Variants in BAIAP2 observed in about 807,000 individuals in gnomAD.
BAIAP2 encodes the protein BAR/IMD domain containing adaptor protein 2.
Under a neutral mutation model 63.0 loss-of-function variants are expected in BAIAP2, and 18 were observed. The observed-to-expected ratio is 0.29, with a 90% confidence interval of 0.20 to 0.42. The LOEUF (loss-of-function observed/expected upper bound fraction) is 0.42. Ranked by LOEUF, BAIAP2 falls within the 10% of genes least tolerant of loss-of-function variation. The pLI, the probability that BAIAP2 is intolerant of heterozygous loss-of-function variation, is 1.00. For synonymous variants in BAIAP2, 386 were observed against 307.6 expected (o/e 1.25, Z -2.67); for missense variants, 610 against 734.3 (o/e 0.83, Z 1.96).
At chr17:81,084,125 A>C (rs907065672) in intron 3 of BAIAP2, among the ~76,000 whole-genome samples, 4 of 152,108 alleles carry the variant, frequency 2.6e-5, no homozygotes, top group African/African-American at 9.7e-5. Context: ...CGGGCCGAGG[A>C]GACATCAGTG....
intron 13 of BAIAP2, among the ~76,000 whole-genome samples, chr17:81,111,495 C>T (rs561456845): frequency 1.3e-5 from 2 of 152,364 alleles, no homozygotes; most frequent in African/African-American, 4.8e-5. Flanking sequence ...CTGACCTTGC[C>T]TCTTCTGTCC....
intron 6 of BAIAP2, chr17:81,098,047 ACCCCAGACCTCAGGCACATGAT>A (rs966729914): frequency 8.4e-7 from 1 of 1,192,332 alleles, no homozygotes; most frequent in African/African-American, 1.6e-5. Context: ...GTCACGCGCT[ACCCCAGACCTCAGGCACATGAT>A]CCCCAGGCCA....
chr17:81,075,647 C>T (rs2053536711), intron 3 of BAIAP2, among the ~76,000 whole-genome samples: 2 of 152,232 alleles, frequency 1.3e-5, no homozygotes, highest in Admixed American at 6.5e-5. Context: ...CCTACCTCCA[C>T]CTGTCCACCA....
intron 3 of BAIAP2, among the ~76,000 whole-genome samples, chr17:81,078,848 T>C (rs1279476702): frequency 6.6e-6 from 1 of 152,004 alleles, no homozygotes; most frequent in African/African-American, 2.4e-5. Context: ...CTCCTGAGTT[T>C]TGGGGTGTTT....
intron 1 of BAIAP2, among the ~76,000 whole-genome samples, chr17:81,050,577 G>T: frequency 6.6e-6 from 1 of 152,162 alleles, no homozygotes; most frequent in East Asian, 1.9e-4. Context: ...GGGCCTGTGG[G>T]GGTCATGGTC....
intron 6 of BAIAP2, chr17:81,098,222 C>T (rs1246391182): frequency 7.6e-7 from 1 of 1,309,800 alleles, no homozygotes; most frequent in Admixed American, 3.3e-5. Context: ...GCCCTGCACC[C>T]ATGGGCAGGC....
intron 6 of BAIAP2, chr17:81,098,056 C>A (rs779922545): frequency 1.4e-4 from 172 of 1,237,112 alleles, no homozygotes; most frequent in Non-Finnish European, 1.7e-4. Context: ...TACCCCAGAC[C>A]TCAGGCACAT....
At chr17:81,093,960 C>T (rs190378406) in intron 6 of BAIAP2, among the ~76,000 whole-genome samples, 2 of 148,974 alleles carry the variant, frequency 1.3e-5, no homozygotes, top group East Asian at 4.0e-4. Context: ...GTGAGGACAG[C>T]CGTGTGGCCA....
intron 3 of BAIAP2, among the ~76,000 whole-genome samples, chr17:81,077,060 G>A (rs2053776662): frequency 1.3e-5 from 2 of 152,150 alleles, no homozygotes; most frequent in South Asian, 2.1e-4. Flanking sequence ...AAATGTAGAG[G>A]GTCATGTGTG....
chr17:81,089,479 C>G (rs1418810144), intron 6 of BAIAP2, among the ~76,000 whole-genome samples: 1 of 152,230 alleles, frequency 6.6e-6, no homozygotes, highest in Non-Finnish European at 1.5e-5. Flanking sequence ...GGCAACAGAA[C>G]TAAGGTGGCT....
At chr17:81,102,097 T>A (rs1422349409) in intron 7 of BAIAP2, among the ~76,000 whole-genome samples, 1 of 151,798 alleles carries the variant, frequency 6.6e-6, no homozygotes, top group Admixed American at 6.5e-5. Flanking sequence ...GCAGCTGACC[T>A]CCTGGGCTCG....
Position 81,115,917 on chromosome 17 carries a change from G to A in BAIAP2, c.*78G>A, listed in dbSNP as rs933587431. ...TAGCCTGTTCTGTCATCATCTGTGC[G>A]TTCCTGTGTAGAGAACATCCAGGCC... On this transcript the variant is annotated 3_prime_UTR_variant, in exon 14 of 14. Coordinates refer to ENST00000428708, the MANE Select transcript of BAIAP2 (RefSeq NM_001144888.2). The A allele has an allele frequency of 6.4e-5, 102 of 1,589,506 alleles. No individual in the cohort carries two copies. Among genetic ancestry groups the A allele is most frequent in the Non-Finnish European group, 8.0e-5 (94 of 1,168,228 alleles).
At chr17:81,049,891 G>A (rs1198622123) in intron 1 of BAIAP2, among the ~76,000 whole-genome samples, 5 of 152,224 alleles carry the variant, frequency 3.3e-5, no homozygotes, top group Non-Finnish European at 5.9e-5. Context: ...TCCTCAGGCT[G>A]GGGACTTCCA....
At chr17:81,036,995 C>T (rs1181749674) in intron 1 of BAIAP2, 11 of 1,503,966 alleles carry the variant, frequency 7.3e-6, no homozygotes, top group Admixed American at 3.9e-5. Context: ...TCTGGGGGAC[C>T]GACCCCGTGA....
At chr17:81,051,681 C>A (rs1054676492) in intron 1 of BAIAP2, among the ~76,000 whole-genome samples, 1 of 151,902 alleles carries the variant, frequency 6.6e-6, no homozygotes, top group Non-Finnish European at 1.5e-5. Flanking sequence ...CGTGAGCCAC[C>A]GTGTCCGGCC....
chr17:81,105,796 G>T (rs984977898), intron 10 of BAIAP2: 14 of 369,506 alleles, frequency 3.8e-5, no homozygotes, highest in Non-Finnish European at 6.5e-5. Context: ...TGCGAGGCAG[G>T]AGCAACTGCT....
At chr17:81,097,932 G>T (rs1470057701) in intron 6 of BAIAP2, among the ~76,000 whole-genome samples, 1 of 152,350 alleles carries the variant, frequency 6.6e-6, no homozygotes, top group East Asian at 1.9e-4. Context: ...AAACCGGAGA[G>T]CCCTTGACAT....
chr17:81,103,766 A>C, intron 8 of BAIAP2, 43 bp downstream of exon 8: 4 of 690,990 alleles, frequency 5.8e-6, no homozygotes, highest in Non-Finnish European at 9.5e-6. Context: ...TGTGGGTGGG[A>C]GGGCAGCTTG....
At chr17:81,042,334 T>G (rs1389107498) in intron 1 of BAIAP2, among the ~76,000 whole-genome samples, 1 of 151,638 alleles carries the variant, frequency 6.6e-6, no homozygotes, top group Non-Finnish European at 1.5e-5. Flanking sequence ...ATTTTAATTT[T>G]TGGTAGAGAT....
Sources: gnomAD v4.1 joint callset for allele counts (sites outside exome capture counted in the v4.1 genomes callset) on GRCh38, gnomAD v4.1.1 for gene constraint, MANE v1.5 for transcripts, NCBI Gene and HGNC (gene_info 2026-07-23, HGNC 2026-07-21) for gene names.